The following ADAMTSL1 variants were observed in gnomAD, a reference collection of about 807,000 sequenced individuals.
ADAMTSL1 encodes ADAMTS like 1, also known as ADAMTS-like protein 1.
In ADAMTSL1, 126 loss-of-function variants were observed where a neutral mutation model predicts 201.8. That is an observed-to-expected ratio of 0.62 (90% CI 0.54 to 0.72). ADAMTSL1 has a LOEUF of 0.72. Among genes scored for constraint, ADAMTSL1 ranks in the 30% least tolerant of loss-of-function variants. ADAMTSL1 has a pLI of 0.00. For synonymous variants in ADAMTSL1, 1,121 were observed against 903.4 expected, an observed-to-expected ratio of 1.24 and a Z score of -4.32; for missense variants, 2,679 against 2,277.8, an observed-to-expected ratio of 1.18 and a Z score of -3.59.
Position 18,251,659 on chromosome 9 carries a change from C to G in ADAMTSL1, c.207+87678C>G, listed in dbSNP as rs527945603. 3.9e-5 allele frequency among the ~76,000 whole-genome samples: 6 copies of G among 152,134 alleles called. No individual in the cohort carries two copies. In the South Asian group the frequency reaches 1.0e-3, roughly 26 times the overall value. On this transcript the variant is annotated intron_variant, in intron 2 of 29. Coordinates refer to the ADAMTSL1 transcript ENST00000680146. ...GGAAGAAAAAGGGTGTGACAAGACC[C>G]AAGAAAGTCCTGGGAAAAGAGTTGT...
intron 2 of ADAMTSL1, among the ~76,000 whole-genome samples, chr9:18,345,707 T>A (rs1159301396): frequency 1.3e-5 from 2 of 152,132 alleles, no homozygotes; most frequent in Admixed American, 1.3e-4. Flanking sequence ...GAGAATATCC[T>A]CAGGGCAGAT....
chr9:18,599,678 G>A (rs995540205), intron 4 of ADAMTSL1, among the ~76,000 whole-genome samples: 1 of 151,124 alleles, frequency 6.6e-6, no homozygotes, highest in Non-Finnish European at 1.5e-5. Context: ...TTGCAAACTA[G>A]CAATGCTCCA....
chr9:18,321,013 C>T, intron 2 of ADAMTSL1, among the ~76,000 whole-genome samples: 1 of 152,018 alleles, frequency 6.6e-6, no homozygotes, highest in Middle Eastern at 3.4e-3. Flanking sequence ...TAACTGAATA[C>T]ATGGACAGAA....
intron 1 of ADAMTSL1, among the ~76,000 whole-genome samples, chr9:18,100,706 G>GCTCCT (rs1250697926): frequency 6.6e-6 from 1 of 151,918 alleles, no homozygotes; most frequent in Non-Finnish European, 1.5e-5. Context: ...CTAGACAGGA[G>GCTCCT]GCCTGGCTGC....
In ADAMTSL1 at chr9:17,975,425, A is replaced by G. The variant is rs1588506847; in HGVS notation, c.87+68503A>G. On this transcript the variant is annotated intron_variant, in intron 1 of 29. Transcript: ENST00000680146. Reference sequence around the variant, plus strand: ...GCTCGATCTCTGATTCATAAATGTCATCTTCTAGCTGTGTCTTCGCGTAGT... The same window carrying G: ...GCTCGATCTCTGATTCATAAATGTCGTCTTCTAGCTGTGTCTTCGCGTAGT... Among the ~76,000 whole-genome samples, 3 of 152,152 alleles carry G rather than the reference A, an allele frequency of 2.0e-5. No homozygotes were observed. The South Asian group carries it at 6.2e-4, about 32-fold the overall frequency.
intron 1 of ADAMTSL1, among the ~76,000 whole-genome samples, chr9:18,058,915 T>C (rs1563975154): frequency 6.6e-6 from 1 of 152,198 alleles, no homozygotes. Context: ...GCTTCTACAT[T>C]GAAAGCCTGC....
At chr9:18,645,334 A>C (rs933691331) in intron 7 of ADAMTSL1, among the ~76,000 whole-genome samples, 2 of 152,144 alleles carry the variant, frequency 1.3e-5, no homozygotes, top group African/African-American at 4.8e-5. Context: ...CCCGTTTTGT[A>C]GGTTGCCTGT....
intron 1 of ADAMTSL1, among the ~76,000 whole-genome samples, chr9:18,051,458 T>G (rs904819425): frequency 1.2e-4 from 18 of 152,070 alleles, no homozygotes; most frequent in African/African-American, 4.3e-4. Context: ...GAGGCATGTG[T>G]CCTGTTGGGC....
chr9:18,657,506 C>A, intron 7 of ADAMTSL1, 133 bp from the exon 8 acceptor site: 1 of 629,078 alleles, frequency 1.6e-6, no homozygotes, highest in Non-Finnish European at 2.8e-6. Context: ...CTGCCATTGC[C>A]ACTTCTCCCG....
At chr9:18,809,740 G>C (rs535142800) in intron 20 of ADAMTSL1, among the ~76,000 whole-genome samples, 4 of 152,200 alleles carry the variant, frequency 2.6e-5, no homozygotes, top group African/African-American at 9.6e-5. Flanking sequence ...AGTGAGCTGA[G>C]ATCCCCCCAT....
intron 1 of ADAMTSL1, among the ~76,000 whole-genome samples, chr9:18,003,959 A>C (rs1335231392): frequency 1.3e-5 from 2 of 152,052 alleles, no homozygotes. Context: ...TTGAAGTTGG[A>C]AAAAAGGATT....
chr9:17,983,022 CT>C (rs1329131438), intron 1 of ADAMTSL1, among the ~76,000 whole-genome samples: 1 of 145,424 alleles, frequency 6.9e-6, no homozygotes, highest in Non-Finnish European at 1.5e-5. Context: ...CCTCCCTCCC[CT>C]TTTCAACTAT....
At chr9:18,249,935 A>G (rs1012960887) in intron 2 of ADAMTSL1, among the ~76,000 whole-genome samples, 1 of 152,174 alleles carries the variant, frequency 6.6e-6, no homozygotes, top group East Asian at 1.9e-4. Context: ...GTATTCCCCA[A>G]TGGAATCATG....
intron 2 of ADAMTSL1, among the ~76,000 whole-genome samples, chr9:18,428,838 T>C (rs1300176298): frequency 6.6e-6 from 1 of 152,202 alleles, no homozygotes; most frequent in Non-Finnish European, 1.5e-5. Context: ...AAAAGGCCAT[T>C]GGGCCCTCCA....
At chr9:18,258,583 C>T (rs1317237938) in intron 2 of ADAMTSL1, among the ~76,000 whole-genome samples, 1 of 152,190 alleles carries the variant, frequency 6.6e-6, no homozygotes, top group Non-Finnish European at 1.5e-5. Flanking sequence ...CAATCACATT[C>T]CTGTGTGGCC....
rs1014708217 is a variant in ADAMTSL1 at position 18,784,245 on chromosome 9, C to A, written c.3677+6339C>A. The stretch of plus-strand genomic sequence containing the variant: ...TAGTACCCTATGCATAATACTCTCT[C>A]GGCCTTACCATTGTGTATTAAAATT... On this transcript the variant is annotated intron_variant, in intron 19 of 28. Coordinates refer to ENST00000380548, the MANE Select transcript of ADAMTSL1 (RefSeq NM_001040272.6). Among the ~76,000 whole-genome samples the A allele has an allele frequency of 2.0e-5, 3 of 152,298 alleles. No homozygotes were observed. The East Asian group carries it at 5.8e-4, about 29-fold the overall frequency.
At chr9:18,675,952 T>C (rs1379965300) in intron 10 of ADAMTSL1, 45 bp downstream of exon 10, 1 of 1,506,032 alleles carries the variant, frequency 6.6e-7, no homozygotes, top group Non-Finnish European at 9.2e-7. Context: ...CAAATTAGTC[T>C]TCTGCTGCTT....
At chr9:18,315,326 C>A (rs1834338759) in intron 2 of ADAMTSL1, among the ~76,000 whole-genome samples, 1 of 152,148 alleles carries the variant, frequency 6.6e-6, no homozygotes, top group Admixed American at 6.5e-5. Flanking sequence ...CTAGTGCATC[C>A]CGCGCCAGGG....
chr9:18,731,613 GA>G (rs1018274251), intron 15 of ADAMTSL1, among the ~76,000 whole-genome samples: 5 of 151,196 alleles, frequency 3.3e-5, no homozygotes, highest in Non-Finnish European at 7.4e-5. Context: ...CACTCAAAAA[GA>G]AAAAAAAGGA....
Sources: gnomAD v4.1 joint callset for allele counts (sites outside exome capture counted in the v4.1 genomes callset) on GRCh38, gnomAD v4.1.1 for gene constraint, MANE v1.5 for transcripts, NCBI Gene and HGNC (gene_info 2026-07-23, HGNC 2026-07-21) for gene names.